Variants in PRH1 observed in about 807,000 individuals in gnomAD.
The protein encoded by PRH1 is proline rich protein HaeIII subfamily 1.
PRH1 carries 7 observed loss-of-function variants against 7.9 expected under a neutral mutation model. The ratio of observed to expected loss-of-function variants is 0.89; its 90% CI spans 0.50 to 1.67. The LOEUF (loss-of-function observed/expected upper bound fraction) is 1.67. Ranked by LOEUF, PRH1 falls within the 40% of genes most tolerant of loss-of-function variation. The pLI is 0.00. For missense variants in PRH1, 109 were observed against 223.6 expected, an observed-to-expected ratio of 0.49 and a Z score of 3.27; for synonymous variants, 45 against 80.8, an observed-to-expected ratio of 0.56 and a Z score of 2.38.
intron 2 of PRH1, chr12:10,930,710 C>A (rs759039838): frequency 6.2e-7 from 1 of 1,613,836 alleles, no homozygotes. Flanking sequence ...CAGGGACCAC[C>A]TTTGGGAGGA....
intron 1 of PRH1, among the ~76,000 whole-genome samples, chr12:11,041,307 A>AAAAAAAC (rs1565584500): frequency 5.0e-4 from 49 of 97,202 alleles, no homozygotes; most frequent in African/African-American, 1.4e-3. Context: ...AAAAAAAAAA[A>AAAAAAAC]AAAACAAAAA....
At chr12:11,061,216 A>T in intron 1 of PRH1, 1 of 1,083,770 alleles carries the variant, frequency 9.2e-7, no homozygotes, top group African/African-American at 1.6e-5. Context: ...GCACTTTTTT[A>T]GACTAACGTT....
intron 1 of PRH1, among the ~76,000 whole-genome samples, chr12:11,138,937 G>A (rs1466979362): frequency 6.6e-6 from 1 of 152,146 alleles, no homozygotes; most frequent in African/African-American, 2.4e-5. Context: ...CTACTCTGGA[G>A]GCTGAACTGA....
At chr12:11,061,446 G>T in intron 1 of PRH1, 1 of 1,613,990 alleles carries the variant, frequency 6.2e-7, no homozygotes, top group East Asian at 2.2e-5. Context: ...TTAGCTTCTT[G>T]TTTCCCCAAA....
chr12:11,111,390 AC>A (rs1173491413), intron 1 of PRH1, among the ~76,000 whole-genome samples: 1 of 152,226 alleles, frequency 6.6e-6, no homozygotes, highest in African/African-American at 2.4e-5. Flanking sequence ...AAAACTGACC[AC>A]ATAAGTGGAA....
chr12:11,093,652 T>C lies in PRH1; in HGVS notation n.124-46464A>G, dbSNP rs1482336378. Among the ~76,000 whole-genome samples the C allele has an allele frequency of 2.6e-5, 3 of 115,816 alleles. 1 individual carries two copies. The highest frequency in any genetic ancestry group is 6.1e-5 in the Non-Finnish European group (3 of 49,064). 76.0% of individuals were successfully genotyped at this position (115,816 alleles called of 152,430 possible). A position where few individuals can be genotyped will look rare whatever the true frequency, so the allele number is the denominator to read the frequency against. On this transcript the variant is annotated intron_variant and non_coding_transcript_variant, in intron 1 of 4. Transcript: ENST00000541977. ...TAACAATTCCTGAGTACCAGACCCT[T>C]TGATATAGAATCCTGCAGTATCCTC...
At chr12:11,044,787 A>T (rs1170108374) in intron 1 of PRH1, among the ~76,000 whole-genome samples, 1 of 152,198 alleles carries the variant, frequency 6.6e-6, no homozygotes, top group Non-Finnish European at 1.5e-5. Context: ...AAAACAGCTT[A>T]TATCCAAAAG....
Position 10,893,356 on chromosome 12 carries a change from G to A in PRH1, c.-58-9081C>T, listed in dbSNP as rs372686724. Among the ~76,000 whole-genome samples, 5 of 152,130 alleles carry A rather than the reference G, an allele frequency of 3.3e-5. No homozygotes were observed. The East Asian group carries it at 9.6e-4, about 29-fold the overall frequency. ...CATTATGATGTAAACTCATATTATG[G>A]TTATCACAAGTAATACTTATTTATA... On this transcript the variant is annotated intron_variant, in intron 2 of 3. Coordinates refer to the PRH1 transcript ENST00000539853.
chr12:10,987,271 A>G (rs1939696400), intron 1 of PRH1, among the ~76,000 whole-genome samples: 1 of 152,126 alleles, frequency 6.6e-6, no homozygotes, highest in Admixed American at 6.5e-5. Context: ...CAGCTGTTAG[A>G]TAGGGAAATT....
intron 1 of PRH1, among the ~76,000 whole-genome samples, chr12:11,005,359 A>G (rs1940778495): frequency 6.6e-6 from 1 of 152,106 alleles, no homozygotes; most frequent in Non-Finnish European, 1.5e-5. Context: ...ATTTGTGTTC[A>G]GCAATGTCAG....
Position 10,938,988 on chromosome 12 carries a change from C to G in PRH1, c.-59+34667G>C, listed in dbSNP as rs1479161377. On this transcript the variant is annotated intron_variant, in intron 2 of 3. Coordinates refer to the PRH1 transcript ENST00000539853. ...AACATTTTTTCAGTGGCAAATAAAG[C>G]TGGGAAAAACACAGACACACACCAG... 4 of 1,613,038 alleles carry G rather than the reference C, an allele frequency of 2.5e-6. No homozygotes were observed. The East Asian group carries it at 6.7e-5, about 27-fold the overall frequency.
rs570824617 is a variant in PRH1 at position 11,085,932 on chromosome 12, A to T, written n.124-38744T>A. ...AAAACTAGAGTCATGACCACTGTTG[A>T]TTCATTTTTTCAATGCCAGGTTTAT... On this transcript the variant is annotated intron_variant and non_coding_transcript_variant, in intron 1 of 4. Transcript: ENST00000541977. Among the ~76,000 whole-genome samples the T allele has an allele frequency of 2.5e-5, 3 of 119,444 alleles. No individual in the cohort carries two copies. The East Asian group carries it at 6.2e-4, about 25-fold the overall frequency. 78.4% of individuals were successfully genotyped at this position (119,444 alleles called of 152,430 possible). A position where few individuals can be genotyped will look rare whatever the true frequency, so the allele number is the denominator to read the frequency against.
chr12:11,067,191 CCTTT>C (rs1446881507), intron 1 of PRH1, among the ~76,000 whole-genome samples: 231 of 152,062 alleles, frequency 1.5e-3, no homozygotes, highest in African/African-American at 5.1e-3. Flanking sequence ...AACAAATTTG[CCTTT>C]CTATGATTTT....
rs1945081524 is a variant in PRH1 at position 11,096,866 on chromosome 12, C to T, written n.124-49678G>A. Among the ~76,000 whole-genome samples the T allele has an allele frequency of 1.7e-5, 2 of 114,592 alleles. 1 individual carries two copies. The highest frequency in any genetic ancestry group is 4.8e-4 in the South Asian group (2 of 4,180). 75.2% of individuals were successfully genotyped at this position (114,592 alleles called of 152,430 possible). On this transcript the variant is annotated intron_variant and non_coding_transcript_variant, in intron 1 of 4. Transcript: ENST00000541977. ...AGGCTGGAGTGCAGCGGCGCGATCT[C>T]GGCTCACTGCAAGCTCTGTCCCCGG...
At chr12:10,960,339 ATATCCC>A (rs1302636980) in intron 2 of PRH1, among the ~76,000 whole-genome samples, 2 of 152,230 alleles carry the variant, frequency 1.3e-5, no homozygotes, top group East Asian at 3.9e-4. Flanking sequence ...AGTACATTTT[ATATCCC>A]TATTCAGTTA....
chr12:10,907,330 T>C (rs1276410526), intron 2 of PRH1, among the ~76,000 whole-genome samples: 1 of 152,284 alleles, frequency 6.6e-6, no homozygotes, highest in East Asian at 1.9e-4. Flanking sequence ...TGGCCAATAA[T>C]TGAAAACCAT....
chr12:11,083,088 T>A (rs530342775), intron 1 of PRH1, among the ~76,000 whole-genome samples: 1 of 117,280 alleles, frequency 8.5e-6, no homozygotes, highest in African/African-American at 2.8e-5. Context: ...ATTAAAATCT[T>A]TGAATGGTAA....
intron 2 of PRH1, among the ~76,000 whole-genome samples, chr12:10,921,169 CT>C (rs1950039853): frequency 6.6e-6 from 1 of 151,628 alleles, no homozygotes; most frequent in African/African-American, 2.4e-5. Context: ...TTTTTACTCA[CT>C]TTGAGAATAA....
chr12:10,997,640 TTTAAATTAGATGAAGTTGGATTCAA>T (rs1940351532), intron 1 of PRH1: 1 of 1,613,558 alleles, frequency 6.2e-7, no homozygotes, highest in Admixed American at 1.7e-5. Context: ...AATTATTACT[TTTAAATTAGATGAAGTTGGATTCAA>T]CACAGTTGAA....
Sources: gnomAD v4.1 joint callset for allele counts (sites outside exome capture counted in the v4.1 genomes callset) on GRCh38, gnomAD v4.1.1 for gene constraint, MANE v1.5 for transcripts, NCBI Gene and HGNC (gene_info 2026-07-23, HGNC 2026-07-21) for gene names.